B3GALT1: variants seen among roughly 807,000 people sequenced by gnomAD.
B3GALT1 encodes beta-1,3-galactosyltransferase 1, also known as UDP-Gal:betaGlcNAc beta 1,3-galactosyltransferase, polypeptide 1.
B3GALT1 carries 10 observed loss-of-function variants against 23.2 expected under a neutral mutation model. The observed-to-expected ratio is 0.43, with a 90% CI of 0.27 to 0.73. B3GALT1 has a LOEUF of 0.73. Ranked by LOEUF, B3GALT1 falls within the 30% of genes least tolerant of loss-of-function variation. The pLI, the probability that B3GALT1 is intolerant of heterozygous loss-of-function variation, is 0.21. For missense variants in B3GALT1, 299 were observed against 405.4 expected (o/e 0.74, Z 2.25); for synonymous variants, 156 against 141.5 (o/e 1.10, Z -0.73).
chr2:167,653,919 G>C (rs575614008), intron 3 of B3GALT1, among the ~76,000 whole-genome samples: 1 of 152,254 alleles, frequency 6.6e-6, no homozygotes, highest in Admixed American at 6.5e-5. Context: ...TTATTTTTCT[G>C]AGCTGTTGAA....
chr2:167,788,903 T>A (rs551394107), intron 3 of B3GALT1, among the ~76,000 whole-genome samples: 1 of 152,302 alleles, frequency 6.6e-6, no homozygotes, highest in Non-Finnish European at 1.5e-5. Flanking sequence ...ATTCCGTGAC[T>A]GTCTTCTACC....
At chr2:167,365,663 A>G (rs904119940) in intron 1 of B3GALT1, among the ~76,000 whole-genome samples, 3 of 151,554 alleles carry the variant, frequency 2.0e-5, no homozygotes, top group Non-Finnish European at 2.9e-5. Context: ...TCTCAGGGGG[A>G]AAAAAATTGT....
chr2:167,503,666 C>T (rs1002959180), intron 2 of B3GALT1, among the ~76,000 whole-genome samples: 5 of 152,124 alleles, frequency 3.3e-5, no homozygotes, highest in African/African-American at 1.2e-4. Context: ...CACTCAATTT[C>T]TCTTCTTGAA....
intron 1 of B3GALT1, among the ~76,000 whole-genome samples, chr2:167,476,833 A>C (rs1474563346): frequency 6.6e-6 from 1 of 152,222 alleles, no homozygotes; most frequent in Non-Finnish European, 1.5e-5. Flanking sequence ...AGGGGGAGAC[A>C]GCAAAGAAGA....
intron 1 of B3GALT1, among the ~76,000 whole-genome samples, chr2:167,459,901 T>C (rs1699230447): frequency 2.0e-5 from 3 of 152,138 alleles, no homozygotes; most frequent in Admixed American, 1.3e-4. Flanking sequence ...TTTTTGTTTT[T>C]GTTGTTTCAT....
At chr2:167,723,473 A>G (rs1425613126) in intron 3 of B3GALT1, among the ~76,000 whole-genome samples, 1 of 152,028 alleles carries the variant, frequency 6.6e-6, no homozygotes, top group Admixed American at 6.6e-5. Flanking sequence ...GATTTAATTC[A>G]TTTAAATATT....
rs568059061 is a variant in B3GALT1 at position 167,320,191 on chromosome 2, T to A, written c.-511+26857T>A. Among the ~76,000 whole-genome samples the A allele has an allele frequency of 1.8e-4, 20 of 112,714 alleles. No homozygotes were observed. The South Asian group carries it at 5.3e-3, about 30-fold the overall frequency. 73.9% of individuals were successfully genotyped at this position (112,714 alleles called of 152,430 possible). A position where few individuals can be genotyped will look rare whatever the true frequency, so the allele number is the denominator to read the frequency against. On this transcript the variant is annotated intron_variant, in intron 1 of 4. Transcript: ENST00000392690. ...CATCCTGAGCTCCTGAGCTATCTCC[T>A]TTTTTTTTTTTTTCCTGAGATGGAA... is the stretch of plus-strand genomic sequence containing the variant.
chr2:167,595,229 A>G (rs913304525), intron 2 of B3GALT1, among the ~76,000 whole-genome samples: 3 of 152,132 alleles, frequency 2.0e-5, no homozygotes, highest in African/African-American at 4.8e-5. Flanking sequence ...ACAAGGAAAG[A>G]AGGTCAACAC....
At chr2:167,347,245 A>C (rs1697234768) in intron 1 of B3GALT1, among the ~76,000 whole-genome samples, 1 of 152,178 alleles carries the variant, frequency 6.6e-6, no homozygotes, top group African/African-American at 2.4e-5. Flanking sequence ...CACTCTAATT[A>C]ACTTCAGTTC....
chr2:167,714,102 G>A (rs1437399049), intron 3 of B3GALT1: 19 of 1,530,044 alleles, frequency 1.2e-5, no homozygotes, highest in Non-Finnish European at 1.7e-5. Context: ...ATTTCTGAAG[G>A]CATTGACCCA....
At chr2:167,605,703 C>T (rs1291952797) in intron 2 of B3GALT1, among the ~76,000 whole-genome samples, 1 of 152,186 alleles carries the variant, frequency 6.6e-6, no homozygotes, top group African/African-American at 2.4e-5. Flanking sequence ...GAATTTGCAG[C>T]CATCTTTATT....
chr2:167,324,962 AAC>A (rs1696869619), intron 1 of B3GALT1, among the ~76,000 whole-genome samples: 1 of 152,108 alleles, frequency 6.6e-6, no homozygotes, highest in African/African-American at 2.4e-5. Context: ...TATGAGTGAT[AAC>A]ATGTGATATT....
intron 2 of B3GALT1, among the ~76,000 whole-genome samples, chr2:167,568,462 T>G (rs1362662423): frequency 6.6e-6 from 1 of 152,076 alleles, no homozygotes; most frequent in African/African-American, 2.4e-5. Context: ...TCTCACTGGT[T>G]AGTATGCCTT....
At chr2:167,567,494 T>G (rs904895240) in intron 2 of B3GALT1, among the ~76,000 whole-genome samples, 1 of 152,192 alleles carries the variant, frequency 6.6e-6, no homozygotes, top group African/African-American at 2.4e-5. Flanking sequence ...ATGTTTAAAT[T>G]GGCTTTTGAA....
At chr2:167,481,092 C>T (rs1056651806) in intron 1 of B3GALT1, among the ~76,000 whole-genome samples, 7 of 152,140 alleles carry the variant, frequency 4.6e-5, no homozygotes, top group African/African-American at 1.2e-4. Context: ...GTTTTAAAGA[C>T]GATTGTCTGC....
chr2:167,504,842 C>A lies in B3GALT1; in HGVS notation c.-410+14565C>A, dbSNP rs555768802. ...AGGAACAACAGACCATATCATAAAG[C>A]CTGGATATACAGTAGGCTATTCTAT... is the stretch of plus-strand genomic sequence containing the variant. On this transcript the variant is annotated intron_variant, in intron 2 of 4. Coordinates refer to ENST00000392690, the MANE Select transcript of B3GALT1 (RefSeq NM_020981.4). Among the ~76,000 whole-genome samples, 12 of 152,252 alleles carry A rather than the reference C, an allele frequency of 7.9e-5. No individual in the cohort carries two copies. The Middle Eastern group carries it at 0.01, about 129-fold the overall frequency.
At position 167,870,125 on chromosome 2, in the gene B3GALT1, TG is replaced by T. The variant is rs1690314106; in HGVS notation, c.*106del. On this transcript the variant is annotated 3_prime_UTR_variant, in exon 5 of 5. Coordinates refer to ENST00000392690, the MANE Select transcript of B3GALT1 (RefSeq NM_020981.4). The stretch of plus-strand genomic sequence containing the variant: ...GGGAAATGAACTGGTGAAGGGGTTT[TG>T]TAAAGTTTTTGCTTCCTGCTATAAG... 7.9e-7 allele frequency: 1 copy of T among 1,266,798 alleles called. No individual in the cohort carries two copies. The highest frequency in any genetic ancestry group is 1.1e-6 in the Non-Finnish European group (1 of 939,006). The allele number at this position is 1,266,798 out of a possible 1,614,324, so 78.5% of individuals were successfully genotyped here.
At chr2:167,429,280 CAAA>C (rs59299487) in intron 1 of B3GALT1, among the ~76,000 whole-genome samples, 16 of 88,814 alleles carry the variant, frequency 1.8e-4, no homozygotes, top group Admixed American at 4.7e-4. Flanking sequence ...GACTCTGTCT[CAAA>C]AAAAAAAAAA....
chr2:167,818,484 AG>A (rs67724913), intron 3 of B3GALT1, among the ~76,000 whole-genome samples, 187 bp from the exon 4 acceptor site: 2,617 of 152,252 alleles, frequency 0.017, 43 homozygotes, highest in Middle Eastern at 0.027. Flanking sequence ...ACCCTAAATG[AG>A]GTTAATTTCT....
Sources: allele counts gnomAD v4.1 joint callset (sites outside exome capture counted in the v4.1 genomes callset), GRCh38; gene constraint gnomAD v4.1.1; transcripts MANE v1.5; gene names NCBI Gene and HGNC (gene_info 2026-07-23, HGNC 2026-07-21).